The following PSG2 variants were observed in gnomAD, a reference collection of about 807,000 sequenced individuals.
PSG2 encodes pregnancy-specific beta-1-glycoprotein 2.
In PSG2, 49 loss-of-function variants were observed where a neutral mutation model predicts 36.2. That is an observed-to-expected ratio of 1.35 (90% CI 1.08 to 1.72). The LOEUF (loss-of-function observed/expected upper bound fraction) is 1.72. PSG2 is among the 40% of genes most tolerant of loss of function. The probability of loss-of-function intolerance (pLI) is 0.00; values close to 1 mark genes in which losing one functional copy is unlikely to be tolerated. For synonymous variants in PSG2, 261 were observed against 155.6 expected (o/e 1.68, Z -5.04); for missense variants, 605 against 407.2 (o/e 1.49, Z -4.18).
At chr19:43,075,700 T>C in intron 2 of PSG2, 68 bp from the exon 3 acceptor site, 3 of 1,556,926 alleles carry the variant, frequency 1.9e-6, no homozygotes, top group Non-Finnish European at 2.6e-6. Flanking sequence ...CATTTTTCAA[T>C]CAGAGTTGGC....
intron 4 of PSG2, among the ~76,000 whole-genome samples, chr19:43,071,429 G>C (rs763123277): frequency 5.9e-5 from 9 of 151,660 alleles, no homozygotes; most frequent in Admixed American, 2.0e-4. Context: ...TTGTCCCTCT[G>C]TGAAGCCTCT....
intron 2 of PSG2, among the ~76,000 whole-genome samples, chr19:43,079,280 A>G (rs8109029): frequency 0.39 from 58,162 of 150,912 alleles, 12,997 homozygotes; most frequent in African/African-American, 0.6. Context: ...CACAGTCCAG[A>G]ACCAAGGAGC....
At position 43,082,515 on chromosome 19, in the gene PSG2, G is replaced by A. The variant is rs1219060624; in HGVS notation, c.55C>T (p.Leu19=). 6.2e-7 allele frequency: 1 copy of A among 1,611,848 alleles called. No individual in the cohort carries two copies. Among genetic ancestry groups the A allele is most frequent in the Non-Finnish European group, 8.5e-7 (1 of 1,178,972 alleles). ...GAAGTTCTCTCCTCACCTGTGACCA[G>A]GAGCCCCTTCCATTTGATGTGCTCT... is the stretch of plus-strand genomic sequence containing the variant. ...CTEHIKWKGL[L]VTASLLNFWN... is the part of the protein sequence containing the mutation. Residue 19 remains leucine (L), a synonymous_variant, in exon 1 of 6, where the codon CTG becomes TTG. Transcript: ENST00000406487.
intron 3 of PSG2, among the ~76,000 whole-genome samples, chr19:43,075,007 C>A (rs191579094): frequency 6.6e-6 from 1 of 151,608 alleles, no homozygotes; most frequent in African/African-American, 2.4e-5. Context: ...AAGGGAAAAT[C>A]CTGGTCTGTG....
Position 43,071,872 on chromosome 19 carries a change from G to T in PSG2, c.792C>A (p.Asn264Lys). The T allele has an allele frequency of 6.2e-7, 1 of 1,613,116 alleles. No individual in the cohort carries two copies. The highest frequency in any genetic ancestry group is 8.5e-7 in the Non-Finnish European group (1 of 1,179,584). Residue 264 changes from asparagine (N) to lysine (K), a missense_variant, in exon 4 of 6, where the codon AAC becomes AAA. Physicochemically the swap from Asn to Lys is moderately conservative, Grantham distance 94. Coordinates refer to ENST00000406487, the MANE Select transcript of PSG2 (RefSeq NM_031246.4). ...AAGAATACTGTGCCGGTGGGTTAGAGTTCGCGAAGCAAGACAAGTAGAGGT... is the reference window on the plus strand; with the variant it reads ...AAGAATACTGTGCCGGTGGGTTAGATTTCGCGAAGCAAGACAAGTAGAGGT... Reference protein sequence around the residue: ...GDNLYLSCFANSNPPAQYSWT... With the variant: ...GDNLYLSCFAKSNPPAQYSWT...
In PSG2 at chr19:43,066,596, A is replaced by G. The variant is rs1183260195; in HGVS notation, c.969T>C (p.Ser323=). The G allele has an allele frequency of 2.5e-6, 4 of 1,598,448 alleles. No homozygotes were observed. The African/African-American group carries it at 4.1e-5, about 16-fold the overall frequency. ...STSLTVKVSA[S]TRIGLLPLLN... ...GGAGAGGAAGAAGTCCTATTCTTGT[A>G]GAAGCTGTCATGGAAAGAAAAGTAA... The change falls in exon 5 of 6, where the codon TCT becomes TCC. Residue 323 remains serine (S), a synonymous_variant. Coordinates refer to ENST00000406487, the MANE Select transcript of PSG2 (RefSeq NM_031246.4).
At chr19:43,072,442 A>C in intron 3 of PSG2, 1 of 1,611,936 alleles carries the variant, frequency 6.2e-7, no homozygotes, top group East Asian at 2.2e-5. Context: ...TTCTCGTGAC[A>C]CTGGGTAGAA....
intron 4 of PSG2, among the ~76,000 whole-genome samples, chr19:43,069,782 A>C (rs1442514500): frequency 6.6e-6 from 1 of 151,790 alleles, no homozygotes; most frequent in Non-Finnish European, 1.5e-5. Context: ...TGGATTTCAC[A>C]ATGATTTCCT....
At chr19:43,065,578 T>C (rs1967728790) in intron 5 of PSG2, 2 of 151,706 alleles carry the variant, frequency 1.3e-5, no homozygotes, top group Admixed American at 6.6e-5. Context: ...TGTAGCTCTA[T>C]TTCCCATCAG....
intron 4 of PSG2, among the ~76,000 whole-genome samples, chr19:43,067,568 C>A (rs1261417715): frequency 6.6e-6 from 1 of 151,414 alleles, no homozygotes; most frequent in Non-Finnish European, 1.5e-5. Context: ...GTCAGGTAGA[C>A]ATTATTTCCA....
chr19:43,074,357 G>A (rs1973301), intron 3 of PSG2, among the ~76,000 whole-genome samples: 149,334 of 151,696 alleles, frequency 0.98, 73,585 homozygotes, highest in Non-Finnish European at 1. Context: ...TATTGATATC[G>A]TCTTTAATTT....
intron 2 of PSG2, among the ~76,000 whole-genome samples, chr19:43,076,960 G>A (rs549917966): frequency 1.1e-3 from 163 of 150,706 alleles, no homozygotes; most frequent in Middle Eastern, 3.4e-3. Flanking sequence ...TGAGTTTTGA[G>A]CATTTCAGAT....
chr19:43,077,661 A>T (rs931107979), intron 2 of PSG2, among the ~76,000 whole-genome samples: 1 of 151,760 alleles, frequency 6.6e-6, no homozygotes, highest in African/African-American at 2.4e-5. Context: ...GTCACCTCCA[A>T]CTGGTCCTCA....
At position 43,071,918 on chromosome 19, in the gene PSG2, G is replaced by A; in HGVS notation, c.746C>T (p.Thr249Ile). 2.5e-6 allele frequency: 4 copies of A among 1,612,710 alleles called. No homozygotes were observed. In the South Asian group the frequency reaches 3.3e-5, roughly 13 times the overall value. The stretch of plus-strand genomic sequence containing the variant: ...GAGGTTATCTCCTGAACGGTAATTG[G>A]TGTATGAAGGGTGAATTCTGGGGAG... ...PDLPRIHPSY[T>I]NYRSGDNLYL... Residue 249 changes from threonine (T) to isoleucine (I), a missense_variant, in exon 4 of 6, where the codon ACC becomes ATC. By Grantham distance (89) the Thr-to-Ile change is moderately conservative. Coordinates refer to ENST00000406487, the MANE Select transcript of PSG2 (RefSeq NM_031246.4).
Position 43,079,256 on chromosome 19 carries a change from G to T in PSG2, c.430+1625C>A, listed in dbSNP as rs538372892. On this transcript the variant is annotated intron_variant, in intron 2 of 5. Transcript: ENST00000406487. ...CTGACGTCAGAGACCCCAGGGACCA[G>T]CTGCCCCCAGTTCCACAGTCCAGAA... Among the ~76,000 whole-genome samples the T allele has an allele frequency of 4.0e-5, 6 of 151,538 alleles. No homozygotes were observed. In the South Asian group the frequency reaches 1.3e-3, roughly 32 times the overall value.
At chr19:43,078,776 C>T (rs769101684) in intron 2 of PSG2, among the ~76,000 whole-genome samples, 3 of 151,610 alleles carry the variant, frequency 2.0e-5, no homozygotes, top group Non-Finnish European at 4.4e-5. Context: ...TACAAATCAC[C>T]ATTTCAATAA....
At chr19:43,077,426 G>C (rs1277156013) in intron 2 of PSG2, among the ~76,000 whole-genome samples, 2 of 151,752 alleles carry the variant, frequency 1.3e-5, no homozygotes, top group Non-Finnish European at 2.9e-5. Context: ...AGGAAAAATG[G>C]GGAGGACCCC....
rs536157702 is a variant in PSG2, at chr19:43,064,771, A to T, written c.*41-170T>A. Among the ~76,000 whole-genome samples, 85 of 151,972 alleles carry T rather than the reference A, an allele frequency of 5.6e-4. 2 individuals are homozygous for T. The highest frequency in any genetic ancestry group is 1.2e-3 in the African/African-American group (49 of 41,304). On this transcript the variant is annotated intron_variant, in intron 5 of 5. Transcript: ENST00000406487. The stretch of plus-strand genomic sequence containing the variant: ...ATAGAAATCTAGTTACTTCTGTGGC[A>T]TATGACACTATGATAACATATTTGA...
Position 43,064,380 on chromosome 19 carries a change from A to T in PSG2, c.*262T>A, listed in dbSNP as rs1237096991. 2 of 313,574 alleles carry T rather than the reference A, an allele frequency of 6.4e-6. No homozygotes were observed. The highest frequency in any genetic ancestry group is 1.2e-5 in the Non-Finnish European group (2 of 160,212). 19.4% of individuals were successfully genotyped at this position (313,574 alleles called of 1,614,324 possible). A position where few individuals can be genotyped will look rare whatever the true frequency, so the allele number is the denominator to read the frequency against. ...TGTTCATAAATCTGGAGAATGAAAC[A>T]TTCCAAGAATCAGCACATTTTCAAA... On this transcript the variant is annotated 3_prime_UTR_variant, in exon 6 of 6. Coordinates refer to ENST00000406487, the MANE Select transcript of PSG2 (RefSeq NM_031246.4).
Sources: gnomAD v4.1 joint callset for allele counts (sites outside exome capture counted in the v4.1 genomes callset) on GRCh38, gnomAD v4.1.1 for gene constraint, MANE v1.5 for transcripts, NCBI Gene and HGNC (gene_info 2026-07-23, HGNC 2026-07-21) for gene names.